GFPT1: variants seen among roughly 807,000 people sequenced by gnomAD.
GFPT1 encodes the protein glutamine--fructose-6-phosphate aminotransferase [isomerizing] 1.
A neutral mutation model predicts 92.0 loss-of-function variants in GFPT1; 40 were observed. The ratio of observed to expected loss-of-function variants is 0.43; its 90% confidence interval spans 0.34 to 0.57. The LOEUF (loss-of-function observed/expected upper bound fraction) is 0.57, where lower values mean the gene tolerates loss of function less well. GFPT1 is among the 20% of genes least tolerant of loss of function. The pLI, the probability that GFPT1 is intolerant of heterozygous loss-of-function variation, is 0.02. For missense variants in GFPT1, 448 were observed against 869.1 expected (o/e 0.52, Z 6.09); for synonymous variants, 269 against 280.6 (o/e 0.96, Z 0.41).
At chr2:69,362,821 A>T (rs897274242) in intron 4 of GFPT1, among the ~76,000 whole-genome samples, 1 of 152,164 alleles carries the variant, frequency 6.6e-6, no homozygotes, top group African/African-American at 2.4e-5. Context: ...AAAATAAAAA[A>T]AATGTTTCTA....
chr2:69,368,966 A>C (rs1022676213), intron 3 of GFPT1, among the ~76,000 whole-genome samples: 3 of 152,086 alleles, frequency 2.0e-5, no homozygotes, highest in African/African-American at 7.2e-5. Flanking sequence ...ACCAAATATA[A>C]TCAGCACCCA....
At chr2:69,356,592 A>C in intron 6 of GFPT1, 35 bp from the exon 7 acceptor site, 1 of 1,480,304 alleles carries the variant, frequency 6.8e-7, no homozygotes, top group Non-Finnish European at 9.5e-7. Flanking sequence ...GCACTATTTA[A>C]TCAATTATCA....
chr2:69,332,797 C>T lies in GFPT1; in HGVS notation c.1483-2999G>A, dbSNP rs182759640. On this transcript the variant is annotated intron_variant, in intron 15 of 19. Transcript: ENST00000357308. ...TTATGCTGAGGGGTGTGTGTGTGCGCGCGCGGATTATATGCTGAATTTCTA... is the reference window on the plus strand; with the variant it reads ...TTATGCTGAGGGGTGTGTGTGTGCGTGCGCGGATTATATGCTGAATTTCTA... Among the ~76,000 whole-genome samples the T allele has an allele frequency of 3.5e-3, 536 of 151,970 alleles. 3 individuals carry two copies. The highest frequency in any genetic ancestry group is 0.012 in the African/African-American group (514 of 41,442).
rs777020452 is a variant in GFPT1, at chr2:69,345,986, T to C, written c.1023A>G (p.Ser341=). Residue 341 remains serine, a synonymous_variant, in exon 12 of 20, where the codon TCA becomes TCG. Coordinates refer to ENST00000357308, the MANE Select transcript of GFPT1 (RefSeq NM_001244710.2). The part of the protein sequence containing the change: ...LQQIMKGNFS[S]FMQKEIFEQP... ...GCTCAAATATTTCCTTCTGCATAAA[T>C]GAACTGAAGTTGCCTATAGTAATAG... The C allele has an allele frequency of 1.3e-6, 2 of 1,590,512 alleles. No individual in the cohort carries two copies. The highest frequency in any genetic ancestry group is 2.2e-5 in the East Asian group (1 of 44,776).
At position 69,338,585 on chromosome 2, in the gene GFPT1, T is replaced by TG; in HGVS notation, c.1204-21dup. 1 of 1,613,576 alleles carries TG rather than the reference T, an allele frequency of 6.2e-7. No homozygotes were observed. The highest frequency in any genetic ancestry group is 8.5e-7 in the Non-Finnish European group (1 of 1,179,528). The stretch of plus-strand genomic sequence containing the variant: ...ACGTGTCTGCAGAGAAAATATGACT[T>TG]GGTCACAGAACTTTCCTTCAAATAC... On this transcript the variant is annotated intron_variant, in intron 13 of 19. Coordinates refer to ENST00000357308, the MANE Select transcript of GFPT1 (RefSeq NM_001244710.2).
intron 2 of GFPT1, among the ~76,000 whole-genome samples, chr2:69,372,533 A>G (rs920754335): frequency 1.3e-5 from 2 of 152,082 alleles, no homozygotes; most frequent in African/African-American, 4.8e-5. Context: ...AGATCGCACC[A>G]TTGCACTCCA....
At chr2:69,347,408 C>A (rs868005624) in intron 11 of GFPT1, among the ~76,000 whole-genome samples, 64 of 151,832 alleles carry the variant, frequency 4.2e-4, no homozygotes, top group Middle Eastern at 3.4e-3. Flanking sequence ...TAATCCAAAT[C>A]ATAATAATTA....
At chr2:69,332,780 A>AT (rs1365650723) in intron 15 of GFPT1, among the ~76,000 whole-genome samples, 1 of 151,906 alleles carries the variant, frequency 6.6e-6, no homozygotes, top group Non-Finnish European at 1.5e-5. Context: ...ATTTATGCTG[A>AT]GGGGTGTGTG....
intron 15 of GFPT1, among the ~76,000 whole-genome samples, chr2:69,337,060 ATTTTTTTT>A (rs376497924): frequency 8.4e-6 from 1 of 118,506 alleles, no homozygotes; most frequent in African/African-American, 3.5e-5. Flanking sequence ...CAAATTTTAA[ATTTTTTTT>A]TTTTTTTTTT....
At chr2:69,351,167 T>C (rs1255811681) in intron 9 of GFPT1, among the ~76,000 whole-genome samples, 1 of 152,218 alleles carries the variant, frequency 6.6e-6, no homozygotes. Context: ...TACTCTTCCT[T>C]TAAGTCAGGA....
chr2:69,385,544 AT>A (rs72202391), intron 1 of GFPT1, among the ~76,000 whole-genome samples: 18,133 of 60,032 alleles, frequency 0.3, 1,461 homozygotes, highest in African/African-American at 0.42. Flanking sequence ...TTATTTATTT[AT>A]TTTTTTTTCA....
intron 1 of GFPT1, among the ~76,000 whole-genome samples, chr2:69,379,295 A>G (rs1367628064): frequency 6.6e-6 from 1 of 152,100 alleles, no homozygotes; most frequent in African/African-American, 2.4e-5. Flanking sequence ...TCGTAGGCCA[A>G]GGCGGGAGGA....
rs1417115530 is a variant in GFPT1, at chr2:69,358,843, C to G, written c.409-380G>C. Among the ~76,000 whole-genome samples the G allele has an allele frequency of 2.0e-5, 3 of 152,184 alleles. No homozygotes were observed. The East Asian group carries it at 5.8e-4, about 29-fold the overall frequency. Reference sequence around the variant, plus strand: ...CAACACTGGAGAAAGTTCAATTGAACAGCCCTAAGAAAGCACTCATGCAGG... The same window carrying G: ...CAACACTGGAGAAAGTTCAATTGAAGAGCCCTAAGAAAGCACTCATGCAGG... On this transcript the variant is annotated intron_variant, in intron 5 of 19. Transcript: ENST00000357308.
At chr2:69,332,792 G>C (rs558996202) in intron 15 of GFPT1, among the ~76,000 whole-genome samples, 3 of 152,174 alleles carry the variant, frequency 2.0e-5, no homozygotes, top group African/African-American at 7.2e-5. Context: ...GGGTGTGTGT[G>C]TGCGCGCGCG....
intron 2 of GFPT1, among the ~76,000 whole-genome samples, chr2:69,370,755 C>A (rs1038217717): frequency 1.3e-5 from 2 of 152,082 alleles, no homozygotes; most frequent in Non-Finnish European, 2.9e-5. Context: ...GTGGAACTGA[C>A]TGAATGTAAG....
intron 1 of GFPT1, among the ~76,000 whole-genome samples, chr2:69,374,349 T>G (rs1018482694): frequency 6.6e-6 from 1 of 151,052 alleles, no homozygotes; most frequent in East Asian, 1.9e-4. Context: ...AGTCTCACTC[T>G]GTCACGCAGG....
chr2:69,368,788 A>G (rs1167633848), intron 3 of GFPT1, among the ~76,000 whole-genome samples: 1 of 152,136 alleles, frequency 6.6e-6, no homozygotes, highest in African/African-American at 2.4e-5. Context: ...ATATGCTGAC[A>G]TTGAAAAATG....
intron 3 of GFPT1, among the ~76,000 whole-genome samples, chr2:69,365,752 A>G (rs10167510): frequency 0.65 from 98,934 of 152,072 alleles, 33,385 homozygotes; most frequent in African/African-American, 0.84. Flanking sequence ...CTCAAGAAAA[A>G]TACCATTTAC....
At chr2:69,332,181 A>T (rs1670678605) in intron 15 of GFPT1, among the ~76,000 whole-genome samples, 1 of 152,098 alleles carries the variant, frequency 6.6e-6, no homozygotes, top group Non-Finnish European at 1.5e-5. Context: ...TTCCATTTAA[A>T]AATATGGCAT....
Sources: gnomAD v4.1 joint callset for allele counts (sites outside exome capture counted in the v4.1 genomes callset) on GRCh38, gnomAD v4.1.1 for gene constraint, MANE v1.5 for transcripts, NCBI Gene and HGNC (gene_info 2026-07-23, HGNC 2026-07-21) for gene names.